IKZF3: variants seen among roughly 807,000 people sequenced by gnomAD.
The protein encoded by IKZF3 is zinc finger protein Aiolos.
In IKZF3, 10 loss-of-function variants were observed where a neutral mutation model predicts 49.0. That is an observed-to-expected ratio of 0.20 (90% confidence interval 0.13 to 0.35). The LOEUF is 0.35. Ranked by LOEUF, IKZF3 falls within the 10% of genes least tolerant of loss-of-function variation. The pLI, the probability that IKZF3 is intolerant of heterozygous loss-of-function variation, is 1.00. For missense variants in IKZF3, 498 were observed against 664.8 expected (o/e 0.75, Z 2.76); for synonymous variants, 209 against 228.2 (o/e 0.92, Z 0.76).
At chr17:39,835,538 C>T in intron 1 of IKZF3, 1 of 433,572 alleles carries the variant, frequency 2.3e-6, no homozygotes, top group South Asian at 1.7e-5. Context: ...GCAGGGTCTG[C>T]AGCTCCTCAT....
chr17:39,860,298 A>G (rs1005525021), intron 1 of IKZF3, among the ~76,000 whole-genome samples: 1 of 152,158 alleles, frequency 6.6e-6, no homozygotes, highest in African/African-American at 2.4e-5. Context: ...AATAATCAAT[A>G]ATCTTTTAGT....
intron 2 of IKZF3, among the ~76,000 whole-genome samples, chr17:39,830,181 T>C (rs1356537193): frequency 2.0e-5 from 3 of 152,202 alleles, no homozygotes; most frequent in Non-Finnish European, 4.4e-5. Context: ...ATAACCTAAT[T>C]TGGGAAAGAT....
At chr17:39,788,889 C>T (rs1598010214) in intron 5 of IKZF3, among the ~76,000 whole-genome samples, 1 of 152,192 alleles carries the variant, frequency 6.6e-6, no homozygotes, top group South Asian at 2.1e-4. Flanking sequence ...GTGGCTATAG[C>T]AAAGTCTAGG....
chr17:39,789,059 A>G (rs967006890), intron 5 of IKZF3, among the ~76,000 whole-genome samples: 5 of 152,124 alleles, frequency 3.3e-5, no homozygotes, highest in African/African-American at 1.2e-4. Flanking sequence ...GGCCTCCCAA[A>G]GGCCACCTTG....
chr17:39,829,331 C>T (rs1274665403), intron 3 of IKZF3, 56 bp downstream of exon 3: 4 of 1,238,866 alleles, frequency 3.2e-6, no homozygotes, highest in South Asian at 1.2e-5. Flanking sequence ...CTTCTCTACA[C>T]TAAGCCTAAG....
intron 3 of IKZF3, among the ~76,000 whole-genome samples, chr17:39,829,165 T>A (rs1353611605): frequency 6.6e-6 from 1 of 152,184 alleles, no homozygotes; most frequent in Non-Finnish European, 1.5e-5. Flanking sequence ...ATGTTTTAAG[T>A]GAAGTTAATA....
At chr17:39,774,007 A>T (rs932225288) in intron 7 of IKZF3, among the ~76,000 whole-genome samples, 2 of 152,198 alleles carry the variant, frequency 1.3e-5, no homozygotes, top group African/African-American at 2.4e-5. Context: ...TAGAAAAAAA[A>T]ATATTTTTCT....
At chr17:39,823,224 C>T (rs2061858357) in intron 3 of IKZF3, among the ~76,000 whole-genome samples, 1 of 152,140 alleles carries the variant, frequency 6.6e-6, no homozygotes, top group African/African-American at 2.4e-5. Flanking sequence ...TGCTTGGGAA[C>T]TGGAGCAAAG....
At chr17:39,780,578 C>T (rs927619623) in intron 6 of IKZF3, among the ~76,000 whole-genome samples, 16 of 151,996 alleles carry the variant, frequency 1.1e-4, no homozygotes, top group African/African-American at 3.9e-4. Context: ...GTCTGGTCTC[C>T]AACTCTTGGC....
chr17:39,828,368 T>G (rs1186632494), intron 3 of IKZF3, among the ~76,000 whole-genome samples: 1 of 152,234 alleles, frequency 6.6e-6, no homozygotes, highest in East Asian at 1.9e-4. Context: ...AGACTAGTAT[T>G]GCTGCCTACG....
chr17:39,801,049 C>G (rs1165599533), intron 3 of IKZF3, among the ~76,000 whole-genome samples: 1 of 152,100 alleles, frequency 6.6e-6, no homozygotes, highest in Non-Finnish European at 1.5e-5. Flanking sequence ...TATGAGATCT[C>G]AGAATCCAAC....
rs1491341504 is a variant in IKZF3 at position 39,761,580 on chromosome 17, A to ATATAC, written c.*4209_*4210insGTATA. 6.6e-6 allele frequency: 1 copy of ATATAC among 151,110 alleles called. No homozygotes were observed. The highest frequency in any genetic ancestry group is 6.6e-5 in the Admixed American group (1 of 15,202). 9.4% of individuals were successfully genotyped at this position (151,110 alleles called of 1,614,324 possible). ...TATACATACATATATATACATATAC[A>ATATAC]AAAAAAATAAAAATAAATTAAAAAA... On this transcript the variant is annotated 3_prime_UTR_variant, in exon 8 of 8. Coordinates refer to ENST00000346872, the MANE Select transcript of IKZF3 (RefSeq NM_012481.5).
intron 1 of IKZF3, among the ~76,000 whole-genome samples, chr17:39,839,908 G>A (rs571151170): frequency 5.9e-5 from 9 of 152,238 alleles, no homozygotes; most frequent in South Asian, 2.1e-4. Context: ...TAATCTTCCC[G>A]CCTTGGCCTC....
intron 1 of IKZF3, among the ~76,000 whole-genome samples, chr17:39,839,774 C>A (rs1160091519): frequency 1.3e-5 from 2 of 151,972 alleles, no homozygotes; most frequent in East Asian, 3.9e-4. Flanking sequence ...ATCCTCCCAC[C>A]TTAGCCTCTC....
At chr17:39,862,428 T>C (rs1313717192) in intron 1 of IKZF3, among the ~76,000 whole-genome samples, 1 of 152,074 alleles carries the variant, frequency 6.6e-6, no homozygotes, top group Non-Finnish European at 1.5e-5. Flanking sequence ...ATCTCTAATC[T>C]AGACTGAGAT....
In IKZF3 at chr17:39,763,601, T is replaced by G. The variant is rs1204864718; in HGVS notation, c.*2189A>C. 1 of 152,220 alleles carries G rather than the reference T, an allele frequency of 6.6e-6. No individual in the cohort carries two copies. The highest frequency in any genetic ancestry group is 1.5e-5 in the Non-Finnish European group (1 of 68,044). The allele number at this position is 152,220 out of a possible 1,614,324, so 9.4% of individuals were successfully genotyped here. A position where few individuals can be genotyped will look rare whatever the true frequency, so the allele number is the denominator to read the frequency against. On this transcript the variant is annotated 3_prime_UTR_variant, in exon 8 of 8. Transcript: ENST00000346872. ...CTGTTTTTTGTTCCTCTCCACCACC[T>G]TCTTCACATTCACAACTCAGTGGTT...
chr17:39,846,181 C>A (rs1308564748), intron 1 of IKZF3, among the ~76,000 whole-genome samples: 1 of 152,116 alleles, frequency 6.6e-6, no homozygotes, highest in Non-Finnish European at 1.5e-5. Context: ...AACACCTTAT[C>A]TCTTAAATAA....
At chr17:39,863,235 A>T (rs189460544) in intron 1 of IKZF3, among the ~76,000 whole-genome samples, 167 of 152,334 alleles carry the variant, frequency 1.1e-3, no homozygotes, top group African/African-American at 3.9e-3. Context: ...TTGATATTTT[A>T]ACAACTTTAT....
chr17:39,847,403 G>A (rs549981801), intron 1 of IKZF3, among the ~76,000 whole-genome samples: 2 of 152,168 alleles, frequency 1.3e-5, no homozygotes, highest in East Asian at 3.9e-4. Flanking sequence ...GGGTTATACA[G>A]CCTCTGCTTG....
Sources: allele counts gnomAD v4.1 joint callset (sites outside exome capture counted in the v4.1 genomes callset), GRCh38; gene constraint gnomAD v4.1.1; transcripts MANE v1.5; gene names NCBI Gene and HGNC (gene_info 2026-07-23, HGNC 2026-07-21).